PPM1E: variants seen among roughly 807,000 people sequenced by gnomAD.
PPM1E encodes the protein protein phosphatase, Mg2+/Mn2+ dependent 1E.
In PPM1E, 20 loss-of-function variants were observed where a neutral mutation model predicts 65.9. The ratio of observed to expected loss-of-function variants is 0.30; its 90% CI spans 0.21 to 0.44. The LOEUF is 0.44. Ranked by LOEUF, PPM1E falls within the 20% of genes least tolerant of loss-of-function variation. The pLI is 1.00. For synonymous variants in PPM1E, 352 were observed against 374.9 expected (o/e 0.94, Z 0.70); for missense variants, 713 against 953.1 (o/e 0.75, Z 3.32).
chr17:58,854,466 C>G (rs545959081), intron 1 of PPM1E, among the ~76,000 whole-genome samples: 1 of 152,198 alleles, frequency 6.6e-6, no homozygotes, highest in Non-Finnish European at 1.5e-5. Flanking sequence ...AGTAGACAAG[C>G]AGGCAACCTT....
intron 1 of PPM1E, among the ~76,000 whole-genome samples, chr17:58,951,024 C>T (rs1295298359): frequency 2.6e-5 from 4 of 152,160 alleles, no homozygotes; most frequent in South Asian, 2.1e-4. Flanking sequence ...GTGATCTGCC[C>T]GCCTCGGCCT....
intron 3 of PPM1E, among the ~76,000 whole-genome samples, chr17:58,967,108 A>C (rs1022294788): frequency 2.6e-5 from 4 of 152,182 alleles, no homozygotes; most frequent in African/African-American, 9.6e-5. Flanking sequence ...AAAGGACTTA[A>C]CTCAGAAAGG....
intron 1 of PPM1E, among the ~76,000 whole-genome samples, chr17:58,860,655 C>A (rs4132925): frequency 3.7e-4 from 56 of 152,224 alleles, no homozygotes; most frequent in African/African-American, 1.2e-3. Context: ...CTAACATACT[C>A]GCTTTAGGCC....
intron 1 of PPM1E, among the ~76,000 whole-genome samples, chr17:58,896,671 C>T (rs754002177): frequency 2.0e-5 from 3 of 152,164 alleles, no homozygotes; most frequent in Non-Finnish European, 4.4e-5. Flanking sequence ...AAGCCAGCTC[C>T]GTAACTTAAA....
chr17:58,878,487 G>A (rs544529789), intron 1 of PPM1E, among the ~76,000 whole-genome samples: 1 of 151,398 alleles, frequency 6.6e-6, no homozygotes, highest in Admixed American at 6.6e-5. Context: ...CAGGTGATCC[G>A]CCCACCTTGG....
At chr17:58,859,434 A>G (rs996065199) in intron 1 of PPM1E, among the ~76,000 whole-genome samples, 3 of 152,246 alleles carry the variant, frequency 2.0e-5, no homozygotes, top group Admixed American at 6.5e-5. Context: ...TCGTTTGAAG[A>G]AACCATCATA....
chr17:58,794,435 A>G (rs2050186607), intron 1 of PPM1E, among the ~76,000 whole-genome samples: 1 of 152,134 alleles, frequency 6.6e-6, no homozygotes, highest in South Asian at 2.1e-4. Flanking sequence ...TTTTAGCTTC[A>G]GGGGTACATG....
At chr17:58,775,916 G>A (rs1387105129) in intron 1 of PPM1E, among the ~76,000 whole-genome samples, 8 of 63,182 alleles carry the variant, frequency 1.3e-4, no homozygotes, top group Non-Finnish European at 1.6e-4. Context: ...GCGAGACTCC[G>A]TCTCAAAAAA....
chr17:58,773,661 G>GTAAAT (rs1219855773), intron 1 of PPM1E, among the ~76,000 whole-genome samples: 2 of 152,146 alleles, frequency 1.3e-5, no homozygotes, highest in East Asian at 3.8e-4. Flanking sequence ...TTGTACATAT[G>GTAAAT]AGGCACTGAG....
At chr17:58,781,795 A>C (rs147287382) in intron 1 of PPM1E, among the ~76,000 whole-genome samples, 2,323 of 152,030 alleles carry the variant, frequency 0.015, 59 homozygotes, top group African/African-American at 0.053. Flanking sequence ...CTGAGGCAGG[A>C]GAATCACTTG....
chr17:58,894,373 A>G (rs1422348168), intron 1 of PPM1E, among the ~76,000 whole-genome samples: 1 of 152,210 alleles, frequency 6.6e-6, no homozygotes, highest in Non-Finnish European at 1.5e-5. Flanking sequence ...TATCAAGAAT[A>G]TTCTTAACAT....
chr17:58,941,149 T>G (rs2052060782), intron 1 of PPM1E, among the ~76,000 whole-genome samples: 1 of 152,184 alleles, frequency 6.6e-6, no homozygotes, highest in Non-Finnish European at 1.5e-5. Flanking sequence ...GATAAGCGAT[T>G]TTTACAGAGA....
chr17:58,886,386 T>C (rs2051265460), intron 1 of PPM1E, among the ~76,000 whole-genome samples: 2 of 152,194 alleles, frequency 1.3e-5, no homozygotes, highest in Non-Finnish European at 2.9e-5. Flanking sequence ...ATGTAGAGTT[T>C]GGCTGCCATG....
intron 2 of PPM1E, among the ~76,000 whole-genome samples, chr17:58,964,891 A>AC (rs2030171530): frequency 6.6e-6 from 1 of 152,022 alleles, no homozygotes; most frequent in Admixed American, 6.6e-5. Context: ...TAAAAATACA[A>AC]AAAATTAGCC....
chr17:58,773,711 A>C (rs2049963427), intron 1 of PPM1E, among the ~76,000 whole-genome samples: 1 of 152,162 alleles, frequency 6.6e-6, no homozygotes, highest in African/African-American at 2.4e-5. Context: ...ATATATTATA[A>C]ACTAAATTAT....
intron 1 of PPM1E, among the ~76,000 whole-genome samples, chr17:58,811,387 C>T (rs1258839219): frequency 6.6e-6 from 1 of 152,088 alleles, no homozygotes; most frequent in Non-Finnish European, 1.5e-5. Context: ...AGGACTCTGC[C>T]TTTTAACGCA....
intron 1 of PPM1E, among the ~76,000 whole-genome samples, chr17:58,909,174 G>A (rs1033705776): frequency 6.6e-6 from 1 of 151,728 alleles, no homozygotes; most frequent in Admixed American, 6.6e-5. Context: ...TGCAAGGCAG[G>A]TCTACTAGGA....
chr17:58,777,456 A>G (rs931337276), intron 1 of PPM1E, among the ~76,000 whole-genome samples: 5 of 152,208 alleles, frequency 3.3e-5, no homozygotes, highest in African/African-American at 9.6e-5. Context: ...CATTGAGAGT[A>G]GAAAAAGAAT....
chr17:58,841,458 T>TTATCTCTGTGA, intron 1 of PPM1E, among the ~76,000 whole-genome samples: 1 of 152,150 alleles, frequency 6.6e-6, no homozygotes, highest in East Asian at 1.9e-4. Flanking sequence ...AAATGGCACT[T>TTATCTCTGTGA]TATCTCTGTG....
Sources: allele counts gnomAD v4.1 joint callset (sites outside exome capture counted in the v4.1 genomes callset), GRCh38; gene constraint gnomAD v4.1.1; transcripts MANE v1.5; gene names NCBI Gene and HGNC (gene_info 2026-07-23, HGNC 2026-07-21).